The following HOXC4 variants were observed in gnomAD, a reference collection of about 807,000 sequenced individuals.
HOXC4 encodes homeobox C4.
Under a neutral mutation model 25.5 loss-of-function variants are expected in HOXC4, and 15 were observed. The ratio of observed to expected loss-of-function variants is 0.59; its 90% CI spans 0.39 to 0.91. The LOEUF (loss-of-function observed/expected upper bound fraction) is 0.91. Among genes scored for constraint, HOXC4 ranks in the 40% least tolerant of loss-of-function variants. The pLI is 0.00. For missense variants in HOXC4, 342 were observed against 352.4 expected (o/e 0.97, Z 0.24); for synonymous variants, 165 against 148.0 (o/e 1.11, Z -0.83).
rs573144325 is a variant in HOXC4 at position 54,053,849 on chromosome 12, G to A, written c.-74G>A. 1.1e-4 allele frequency: 130 copies of A among 1,192,990 alleles called. No individual in the cohort carries two copies. Among genetic ancestry groups the A allele is most frequent in the Admixed American group, 5.6e-4 (30 of 53,152 alleles). The allele number at this position is 1,192,990 out of a possible 1,614,324, so 73.9% of individuals were successfully genotyped here. A position where few individuals can be genotyped will look rare whatever the true frequency, so the allele number is the denominator to read the frequency against. ...ATGGTGAAAGTAACTTTACAGGGTC[G>A]CTAGCTAGTAGGAGGGCTTTATGGA... On this transcript the variant is annotated 5_prime_UTR_variant, in exon 1 of 2. Coordinates refer to ENST00000430889, the MANE Select transcript of HOXC4 (RefSeq NM_153633.3).
intron 1 of HOXC4, among the ~76,000 whole-genome samples, chr12:54,036,167 G>A (rs1203084459): frequency 6.6e-6 from 1 of 152,144 alleles, no homozygotes; most frequent in Non-Finnish European, 1.5e-5. Flanking sequence ...TGAGGATCAG[G>A]TCCTTCTCCA....
chr12:54,032,132 A>G (rs1214967963), intron 1 of HOXC4, among the ~76,000 whole-genome samples: 1 of 152,126 alleles, frequency 6.6e-6, no homozygotes, highest in East Asian at 1.9e-4. Flanking sequence ...AGTCCTCTAG[A>G]CCATTGTCTG....
chr12:54,034,528 C>T (rs1482088208), intron 1 of HOXC4: 1 of 1,550,962 alleles, frequency 6.4e-7, no homozygotes. Flanking sequence ...GCGCCCCTAG[C>T]CGGTTCCTGT....
At chr12:54,030,505 A>G (rs1435946904) in intron 1 of HOXC4, 1 of 152,778 alleles carries the variant, frequency 6.5e-6, no homozygotes, top group Admixed American at 6.5e-5. Flanking sequence ...GCCCAGGCAA[A>G]TTGTATTTAA....
At chr12:54,037,835 T>C (rs1941213216) in intron 1 of HOXC4, 1 of 152,206 alleles carries the variant, frequency 6.6e-6, no homozygotes, top group Non-Finnish European at 1.5e-5. Context: ...TTTTATGGTG[T>C]AGGGAGAGCT....
At chr12:54,037,270 C>T (rs1298989687) in intron 1 of HOXC4, among the ~76,000 whole-genome samples, 2 of 152,186 alleles carry the variant, frequency 1.3e-5, no homozygotes, top group Non-Finnish European at 2.9e-5. Context: ...TGCTTTGGGG[C>T]CTGGGGTAGT....
intron 1 of HOXC4, chr12:54,034,376 C>T (rs1347760447): frequency 1.2e-6 from 2 of 1,614,044 alleles, no homozygotes; most frequent in Non-Finnish European, 1.7e-6. Flanking sequence ...TCGCCGCAGG[C>T]GCATAGAGAT....
chr12:54,040,367 C>T (rs1941252086), intron 1 of HOXC4, among the ~76,000 whole-genome samples: 1 of 152,308 alleles, frequency 6.6e-6, no homozygotes, highest in African/African-American at 2.4e-5. Flanking sequence ...CCCATCCGGC[C>T]CTGTTCCTTC....
intron 1 of HOXC4, among the ~76,000 whole-genome samples, chr12:54,041,484 A>C (rs572396099): frequency 2.6e-5 from 4 of 152,244 alleles, no homozygotes; most frequent in African/African-American, 9.6e-5. Context: ...TAAGAGTACA[A>C]GAATGGGAAG....
intron 1 of HOXC4, among the ~76,000 whole-genome samples, chr12:54,023,782 G>T (rs540716140): frequency 1.3e-5 from 2 of 152,150 alleles, no homozygotes; most frequent in East Asian, 1.9e-4. Flanking sequence ...TTGGAATGCG[G>T]TGTGTGTAGC....
chr12:54,038,588 C>T (rs143620349), intron 1 of HOXC4, among the ~76,000 whole-genome samples: 77 of 152,316 alleles, frequency 5.1e-4, no homozygotes, highest in African/African-American at 1.4e-3. Flanking sequence ...CCCTCCCTCC[C>T]TCACTACCAG....
intron 1 of HOXC4, among the ~76,000 whole-genome samples, chr12:54,047,454 C>T (rs1447830187): frequency 6.6e-6 from 1 of 152,210 alleles, no homozygotes; most frequent in African/African-American, 2.4e-5. Flanking sequence ...CCGCGAGGTG[C>T]GCGCCGGCCG....
At chr12:54,024,935 T>C (rs1181357046) in intron 1 of HOXC4, among the ~76,000 whole-genome samples, 1 of 152,252 alleles carries the variant, frequency 6.6e-6, no homozygotes, top group Non-Finnish European at 1.5e-5. Flanking sequence ...TGGCAATTTT[T>C]CCCTTGTATT....
chr12:54,029,851 A>G (rs950687160), intron 1 of HOXC4: 1 of 1,613,940 alleles, frequency 6.2e-7, no homozygotes, highest in African/African-American at 1.3e-5. Context: ...GGAAAAAAGA[A>G]TCTAATCTCA....
intron 1 of HOXC4, chr12:54,029,550 T>G: frequency 3.3e-4 from 398 of 1,197,696 alleles, no homozygotes; most frequent in Non-Finnish European, 4.4e-4. Context: ...AAGGAGGCTG[T>G]GAGCTGCTGG....
chr12:54,055,134 A>G lies in HOXC4; in HGVS notation c.724A>G (p.Thr242Ala), dbSNP rs375884273. ...CACCCTTTCGGCAGCTACCCCGGGT[A>G]CTTCTGAAGACCACTCCCAGAGCGC... ...PSTLSAATPG[T>A]SEDHSQSATP... Residue 242 changes from threonine (T) to alanine (A), a missense_variant, in exon 2 of 2, where the codon ACT becomes GCT. Physicochemically the swap from Thr to Ala is moderately conservative, Grantham distance 58. Coordinates refer to ENST00000430889, the MANE Select transcript of HOXC4 (RefSeq NM_153633.3). The G allele has an allele frequency of 3.7e-6, 6 of 1,613,218 alleles. No homozygotes were observed. The highest frequency in any genetic ancestry group is 1.6e-4 in the Middle Eastern group (1 of 6,084).
chr12:54,054,216 C>T lies in HOXC4; in HGVS notation c.294C>T (p.Cys98=). The T allele has an allele frequency of 6.2e-7, 1 of 1,612,214 alleles. No individual in the cohort carries two copies. Among genetic ancestry groups the T allele is most frequent in the Non-Finnish European group, 8.5e-7 (1 of 1,179,188 alleles). The change falls in exon 1 of 2, where the codon TGC becomes TGT. Residue 98 remains cysteine (C), a synonymous_variant. Transcript: ENST00000430889. ...HHHPEKSQSL[C]EPAPLSGASA... is the part of the protein sequence containing the mutation. ...ACCCCGAGAAATCACAGTCGCTCTG[C>T]GAGCCGGCGCCTCTCTCAGGCGCCT...
chr12:54,034,314 G>A (rs1941120079), intron 1 of HOXC4: 1 of 1,614,100 alleles, frequency 6.2e-7, no homozygotes, highest in Non-Finnish European at 8.5e-7. Flanking sequence ...AGTTACACGC[G>A]CTACCAGACT....
At chr12:54,033,606 C>T (rs1272445680) in intron 1 of HOXC4, 3 of 1,502,676 alleles carry the variant, frequency 2.0e-6, no homozygotes, top group African/African-American at 1.4e-5. Flanking sequence ...TTTGCGCTCT[C>T]GGGTCCGCCT....
Sources: gnomAD v4.1 joint callset for allele counts (sites outside exome capture counted in the v4.1 genomes callset) on GRCh38, gnomAD v4.1.1 for gene constraint, MANE v1.5 for transcripts, NCBI Gene and HGNC (gene_info 2026-07-23, HGNC 2026-07-21) for gene names.